The following BIN1 variants were observed in gnomAD, a reference collection of about 807,000 sequenced individuals.
BIN1 encodes the protein myc box-dependent-interacting protein 1.
Under a neutral mutation model 82.0 loss-of-function variants are expected in BIN1, and 53 were observed. The ratio of observed to expected loss-of-function variants is 0.65; its 90% CI spans 0.52 to 0.81. BIN1 has a LOEUF of 0.81. BIN1 is among the 40% of genes least tolerant of loss of function. The pLI is 0.00. For missense variants in BIN1, 642 were observed against 784.4 expected (o/e 0.82, Z 2.17); for synonymous variants, 302 against 328.0 (o/e 0.92, Z 0.86).
At chr2:127,074,123 G>A (rs1020505537) in intron 2 of BIN1, among the ~76,000 whole-genome samples, 2 of 152,046 alleles carry the variant, frequency 1.3e-5, no homozygotes, top group African/African-American at 2.4e-5. Flanking sequence ...GGGCCCACTA[G>A]GCTTGGGGCT....
chr2:127,053,315 T>G lies in BIN1; in HGVS notation c.1263+107A>C, dbSNP rs1683206365. ...GCCTGTGTGTCCTGCGTGTGGGGGG[T>G]GTGTGGGGTGCATGCACCTGTGAAC... On this transcript the variant is annotated intron_variant, in intron 14 of 18. Coordinates refer to ENST00000316724, the MANE Select transcript of BIN1 (RefSeq NM_139343.3). 10 of 1,468,386 alleles carry G rather than the reference T, an allele frequency of 6.8e-6. No homozygotes were observed. The East Asian group carries it at 9.6e-5, about 14-fold the overall frequency. The allele number at this position is 1,468,386 out of a possible 1,614,324, so 91.0% of individuals were successfully genotyped here.
rs1681250829 is a variant in BIN1, at chr2:127,107,018, C to G, written c.-75G>C. The G allele has an allele frequency of 7.0e-7, 1 of 1,426,536 alleles. No individual in the cohort carries two copies. The highest frequency in any genetic ancestry group is 1.8e-4 in the Middle Eastern group (1 of 5,580). 88.4% of individuals were successfully genotyped at this position (1,426,536 alleles called of 1,614,324 possible). ...TCTTGCGCGCCGCGCTCCCAGCCCC[C>G]AGCCCCGGCCGCGCGTCCAGACCGG... On this transcript the variant is annotated 5_prime_UTR_variant, in exon 1 of 19. Transcript: ENST00000316724. The surrounding 1 kb of genome is among the most constrained non-coding windows in gnomAD (Gnocchi z 5.9).
chr2:127,069,885 C>T (rs1404940495), intron 5 of BIN1, 110 bp downstream of exon 5: 2 of 1,161,802 alleles, frequency 1.7e-6, no homozygotes, highest in Non-Finnish European at 2.5e-6. Flanking sequence ...CCAGGCGCTT[C>T]CTGCCTCCAG....
intron 17 of BIN1, 72 bp from the exon 18 acceptor site, chr2:127,050,594 G>T (rs7558001): frequency 1.9e-6 from 3 of 1,544,668 alleles, no homozygotes; most frequent in South Asian, 2.3e-5. Context: ...CGGGCCTTGC[G>T]TGTGGGAGGT....
Position 127,059,232 on chromosome 2 carries a change from G to A in BIN1, c.858-77C>T, listed in dbSNP as rs528458980. On this transcript the variant is annotated intron_variant, in intron 10 of 18. Coordinates refer to ENST00000316724, the MANE Select transcript of BIN1 (RefSeq NM_139343.3). The surrounding 1 kb of genome is among the most constrained non-coding windows in gnomAD (Gnocchi z 6.7). ...GAGACGGAGGGGCAAATGTATTGAC[G>A]TCTGTGTGAAGAGGTGTGTGCATAT... 2.0e-5 allele frequency: 30 copies of A among 1,488,734 alleles called. No individual in the cohort carries two copies. The highest frequency in any genetic ancestry group is 1.3e-4 in the South Asian group (11 of 83,102). The allele number at this position is 1,488,734 out of a possible 1,614,324, so 92.2% of individuals were successfully genotyped here.
Position 127,057,040 on chromosome 2 carries a change from G to A in BIN1, c.1131+433C>T, listed in dbSNP as rs745498291. ...GGCAGTTCTGCCCTGCAGCCTGGCC[G>A]CTGCCCCCGCCCTCGAGGGGCTGAC... is the stretch of plus-strand genomic sequence containing the variant. On this transcript the variant is annotated intron_variant, in intron 12 of 18. Transcript: ENST00000316724. The surrounding 1 kb of genome is among the most constrained non-coding windows in gnomAD (Gnocchi z 5.0). 3.3e-5 allele frequency among the ~76,000 whole-genome samples: 5 copies of A among 152,324 alleles called. No individual in the cohort carries two copies. Among genetic ancestry groups the A allele is most frequent in the East Asian group, 1.9e-4 (1 of 5,162 alleles).
At position 127,068,232 on chromosome 2, in the gene BIN1, G is replaced by A. The variant is rs746233851; in HGVS notation, c.543C>T (p.Ala181=). The part of the protein sequence containing the change: ...IAKPVSLLEK[A]APQWCQGKLQ... ...GTTTGCCTTGGCACCACTGGGGGGC[G>A]GCTTTCTCAAGCAGCGAGACAGGCT... is the stretch of plus-strand genomic sequence containing the variant. Residue 181 remains alanine, a synonymous_variant, in exon 7 of 19, where the codon GCC becomes GCT. Coordinates refer to ENST00000316724, the MANE Select transcript of BIN1 (RefSeq NM_139343.3). The surrounding 1 kb of genome is among the most constrained non-coding windows in gnomAD (Gnocchi z 4.9). 31 of 1,613,438 alleles carry A rather than the reference G, an allele frequency of 1.9e-5. No individual in the cohort carries two copies. The highest frequency in any genetic ancestry group is 2.5e-5 in the Non-Finnish European group (30 of 1,179,956).
chr2:127,071,160 C>T (rs780190371), intron 2 of BIN1, among the ~76,000 whole-genome samples: 2 of 152,068 alleles, frequency 1.3e-5, no homozygotes, highest in African/African-American at 2.4e-5. Flanking sequence ...GCAGCAGCCC[C>T]GGCACTCACA....
chr2:127,074,036 C>T (rs1045114310), intron 2 of BIN1, among the ~76,000 whole-genome samples: 1 of 152,110 alleles, frequency 6.6e-6, no homozygotes, highest in African/African-American at 2.4e-5. Context: ...CCTAGGGCCC[C>T]CCACCCCATA....
At chr2:127,077,523 A>C (rs941320640) in intron 1 of BIN1, among the ~76,000 whole-genome samples, 7 of 151,612 alleles carry the variant, frequency 4.6e-5, no homozygotes, top group Admixed American at 4.6e-4. Flanking sequence ...GCTGGCCAGG[A>C]CCCTGAGAAC....
At position 127,059,196 on chromosome 2, in the gene BIN1, C is replaced by A. The variant is rs749396317; in HGVS notation, c.858-41G>T. 97 of 1,552,668 alleles carry A rather than the reference C, an allele frequency of 6.2e-5. No homozygotes were observed. The highest frequency in any genetic ancestry group is 8.3e-5 in the Non-Finnish European group (95 of 1,149,724). On this transcript the variant is annotated intron_variant, in intron 10 of 18. Transcript: ENST00000316724. The surrounding 1 kb of genome is among the most constrained non-coding windows in gnomAD (Gnocchi z 6.7). ...AGAAAGGGAGCCCAGTGTTGGGGGG[C>A]CAAGGCACAGGAGACGGAGGGGCAA... is the stretch of plus-strand genomic sequence containing the variant.
intron 1 of BIN1, among the ~76,000 whole-genome samples, chr2:127,094,571 GGCT>G (rs1314315281): frequency 2.6e-5 from 4 of 152,196 alleles, no homozygotes; most frequent in Non-Finnish European, 1.5e-5. Flanking sequence ...CTCCCCGCAT[GGCT>G]CAGGCACACA....
At chr2:127,084,301 C>T (rs890461193) in intron 1 of BIN1, among the ~76,000 whole-genome samples, 2 of 152,324 alleles carry the variant, frequency 1.3e-5, no homozygotes, top group Middle Eastern at 3.4e-3. Context: ...TCCACAAACA[C>T]GAGCCTCCCC....
intron 9 of BIN1, among the ~76,000 whole-genome samples, chr2:127,062,507 T>C (rs72846676): frequency 0.31 from 47,183 of 152,184 alleles, 8,251 homozygotes; most frequent in South Asian, 0.5. Flanking sequence ...TCTTAAAACT[T>C]GTTTTGGCAG....
At position 127,090,465 on chromosome 2, in the gene BIN1, C is replaced by T. The variant is rs11887884; in HGVS notation, c.85-13759G>A. Reference sequence around the variant, plus strand: ...TGAGGACAGCCTGTCTCCACAGGCACGCACCCCACCCTTGGCCCCAGCCCT... The same window carrying T: ...TGAGGACAGCCTGTCTCCACAGGCATGCACCCCACCCTTGGCCCCAGCCCT... On this transcript the variant is annotated intron_variant, in intron 1 of 18. Transcript: ENST00000316724. This position sits in a 1 kb window ranked among gnomAD's most constrained non-coding sequence, Gnocchi z 6.4. Among the ~76,000 whole-genome samples, 31,763 of 152,272 alleles carry T rather than the reference C, an allele frequency of 0.21. 3,604 individuals are homozygous for T. Among genetic ancestry groups the T allele is most frequent in the African/African-American group, 0.29 (12,136 of 41,540 alleles).
intron 1 of BIN1, among the ~76,000 whole-genome samples, chr2:127,102,320 G>C (rs911110790): frequency 6.6e-6 from 1 of 152,232 alleles, no homozygotes; most frequent in African/African-American, 2.4e-5. Context: ...AGATGCCAGT[G>C]AGAAGGGAGC....
chr2:127,083,258 T>C (rs1687536085), intron 1 of BIN1, among the ~76,000 whole-genome samples: 1 of 152,020 alleles, frequency 6.6e-6, no homozygotes, highest in African/African-American at 2.4e-5. Flanking sequence ...ATTTTTACTT[T>C]TTGTAGAGAC....
Position 127,059,644 on chromosome 2 carries a change from G to A in BIN1, c.858-489C>T, listed in dbSNP as rs1573584755. Reference sequence around the variant, plus strand: ...CTGCCCTCCCTGCCTGTCCATCACAGCACCCTGGTACATGTCTCTAGACCT... The same window carrying A: ...CTGCCCTCCCTGCCTGTCCATCACAACACCCTGGTACATGTCTCTAGACCT... On this transcript the variant is annotated intron_variant, in intron 10 of 18. Transcript: ENST00000316724. This position sits in a 1 kb window ranked among gnomAD's most constrained non-coding sequence, Gnocchi z 6.7. Among the ~76,000 whole-genome samples the A allele has an allele frequency of 6.6e-6, 1 of 152,158 alleles. No individual in the cohort carries two copies. The highest frequency in any genetic ancestry group is 2.4e-5 in the African/African-American group (1 of 41,432).
At chr2:127,051,004 G>A in intron 16 of BIN1, 92 bp from the exon 17 acceptor site, 2 of 1,508,164 alleles carry the variant, frequency 1.3e-6, no homozygotes, top group Non-Finnish European at 1.8e-6. Context: ...GGGGAGAAAG[G>A]TGTCTGCGCC....
Sources: gnomAD v4.1 joint callset for allele counts (sites outside exome capture counted in the v4.1 genomes callset) on GRCh38, gnomAD v4.1.1 for gene constraint, Gnocchi (gnomAD v3.1) non-coding constraint, MANE v1.5 for transcripts, NCBI Gene and HGNC (gene_info 2026-07-23, HGNC 2026-07-21) for gene names.